The following ADGRB3 variants were observed in gnomAD, a reference collection of about 807,000 sequenced individuals.
ADGRB3 encodes the protein adhesion G protein-coupled receptor B3.
ADGRB3 carries 37 observed loss-of-function variants against 193.4 expected under a neutral mutation model. That is an observed-to-expected ratio of 0.19 (90% CI 0.15 to 0.25). The LOEUF (loss-of-function observed/expected upper bound fraction) is 0.25, where lower values mean the gene tolerates loss of function less well. Among genes scored for constraint, ADGRB3 ranks in the 10% least tolerant of loss-of-function variants. The pLI is 1.00. For synonymous variants in ADGRB3, 690 were observed against 644.2 expected (o/e 1.07, Z -1.08); for missense variants, 1,637 against 1,852.9 (o/e 0.88, Z 2.14).
chr6:69,120,355 T>C, intron 17 of ADGRB3, among the ~76,000 whole-genome samples: 1 of 152,240 alleles, frequency 6.6e-6, no homozygotes, highest in Non-Finnish European at 1.5e-5. Flanking sequence ...GGCCCAGAAA[T>C]CTGTGCTTTA....
At chr6:68,685,941 G>A (rs1423356398) in intron 3 of ADGRB3, among the ~76,000 whole-genome samples, 1 of 152,122 alleles carries the variant, frequency 6.6e-6, no homozygotes, top group Non-Finnish European at 1.5e-5. Flanking sequence ...TAAAGTGTAA[G>A]ACGCTTTTGT....
chr6:69,099,828 T>A (rs1355469600), intron 17 of ADGRB3, among the ~76,000 whole-genome samples: 1 of 152,238 alleles, frequency 6.6e-6, no homozygotes, highest in Non-Finnish European at 1.5e-5. Context: ...CACCCAGTAT[T>A]ATGTAACCTG....
At chr6:68,816,299 T>C (rs191085672) in intron 3 of ADGRB3, among the ~76,000 whole-genome samples, 22 of 152,026 alleles carry the variant, frequency 1.4e-4, no homozygotes, top group Non-Finnish European at 2.5e-4. Flanking sequence ...TTTATTATCA[T>C]GAAAATGATT....
intron 3 of ADGRB3, among the ~76,000 whole-genome samples, chr6:68,712,351 T>C (rs1182854685): frequency 6.6e-6 from 1 of 152,050 alleles, no homozygotes; most frequent in East Asian, 1.9e-4. Context: ...TAGCTACTAT[T>C]TCAAATTCAT....
chr6:68,974,678 G>A lies in ADGRB3; in HGVS notation c.1526-85G>A, dbSNP rs1768689869. The A allele has an allele frequency of 5.9e-6, 6 of 1,016,874 alleles. No individual in the cohort carries two copies. The Admixed American group carries it at 1.2e-4, about 20-fold the overall frequency. The allele number at this position is 1,016,874 out of a possible 1,614,324, so 63.0% of individuals were successfully genotyped here. The stretch of plus-strand genomic sequence containing the variant: ...AAAAAGAAAACTAAAGAGCTCTGCA[G>A]TTAGAGAGGTGCCTTTGACAATTGT... On this transcript the variant is annotated intron_variant, in intron 8 of 31. Transcript: ENST00000370598.
chr6:68,730,608 C>T (rs1765755638), intron 3 of ADGRB3, among the ~76,000 whole-genome samples: 1 of 151,566 alleles, frequency 6.6e-6, no homozygotes, highest in Non-Finnish European at 1.5e-5. Flanking sequence ...TCATTTTCCC[C>T]ATGTTACTTC....
chr6:68,957,529 A>G (rs1032472437), intron 8 of ADGRB3, among the ~76,000 whole-genome samples: 5 of 152,310 alleles, frequency 3.3e-5, no homozygotes, highest in African/African-American at 1.2e-4. Flanking sequence ...TTAAAATTTG[A>G]CAATATAGTG....
At chr6:69,374,184 C>G (rs764532174) in intron 30 of ADGRB3, among the ~76,000 whole-genome samples, 14 of 152,050 alleles carry the variant, frequency 9.2e-5, no homozygotes, top group Non-Finnish European at 2.1e-4. Flanking sequence ...ATTACTTTTA[C>G]TCTACAAATT....
intron 10 of ADGRB3, among the ~76,000 whole-genome samples, chr6:68,990,135 A>G (rs1218306242): frequency 5.3e-5 from 8 of 152,092 alleles, no homozygotes; most frequent in Middle Eastern, 3.2e-3. Context: ...ATCCAGAAAG[A>G]AAAAAGGGAA....
chr6:68,956,614 A>G, intron 7 of ADGRB3, 31 bp from the exon 8 acceptor site: 1 of 1,612,420 alleles, frequency 6.2e-7, no homozygotes, highest in Non-Finnish European at 8.5e-7. Context: ...GTGGTAGATG[A>G]CTGACATTGA....
At chr6:69,186,249 A>G (rs1261379078) in intron 17 of ADGRB3, among the ~76,000 whole-genome samples, 1 of 151,024 alleles carries the variant, frequency 6.6e-6, no homozygotes, top group Non-Finnish European at 1.5e-5. Context: ...TTTCTATGTT[A>G]TCTTTGTCCT....
chr6:68,753,000 A>G (rs148646911), intron 3 of ADGRB3, among the ~76,000 whole-genome samples: 184 of 152,310 alleles, frequency 1.2e-3, no homozygotes, highest in Middle Eastern at 0.01. Context: ...CATTTGAGGT[A>G]GGGTACATGA....
chr6:69,222,085 C>G (rs1486779668), intron 17 of ADGRB3, among the ~76,000 whole-genome samples: 2 of 151,954 alleles, frequency 1.3e-5, no homozygotes, highest in East Asian at 3.9e-4. Context: ...TTGAGTCTTC[C>G]AAATCTGGGC....
intron 3 of ADGRB3, among the ~76,000 whole-genome samples, chr6:68,871,453 C>T (rs1765452933): frequency 6.6e-6 from 1 of 151,854 alleles, no homozygotes; most frequent in African/African-American, 2.4e-5. Flanking sequence ...TAAAGATTCC[C>T]TTTTTCTGAT....
chr6:68,840,599 A>G (rs1768137153), intron 3 of ADGRB3, among the ~76,000 whole-genome samples: 2 of 151,696 alleles, frequency 1.3e-5, no homozygotes, highest in South Asian at 4.2e-4. Context: ...TGGAAATGGG[A>G]GGGAAAGACC....
intron 10 of ADGRB3, among the ~76,000 whole-genome samples, chr6:68,980,637 C>T (rs1431631675): frequency 6.6e-6 from 1 of 151,508 alleles, no homozygotes; most frequent in Non-Finnish European, 1.5e-5. Flanking sequence ...AAAAAGTATG[C>T]CTGTCTTATT....
chr6:68,840,633 C>T (rs1286669197), intron 3 of ADGRB3, among the ~76,000 whole-genome samples: 1 of 151,750 alleles, frequency 6.6e-6, no homozygotes, highest in Non-Finnish European at 1.5e-5. Flanking sequence ...TGGGTGTCAG[C>T]TCAGCTGCAG....
At chr6:69,119,001 C>A (rs1212034547) in intron 17 of ADGRB3, among the ~76,000 whole-genome samples, 4 of 151,996 alleles carry the variant, frequency 2.6e-5, no homozygotes, top group African/African-American at 9.7e-5. Context: ...TTATTTCACT[C>A]AAAAAGAATT....
intron 20 of ADGRB3, among the ~76,000 whole-genome samples, chr6:69,299,193 G>A (rs1000356278): frequency 6.6e-6 from 1 of 151,762 alleles, no homozygotes; most frequent in African/African-American, 2.4e-5. Flanking sequence ...TTTGAGAAAT[G>A]TCTATTCACA....
Sources: gnomAD v4.1 joint callset for allele counts (sites outside exome capture counted in the v4.1 genomes callset) on GRCh38, gnomAD v4.1.1 for gene constraint, MANE v1.5 for transcripts, NCBI Gene and HGNC (gene_info 2026-07-23, HGNC 2026-07-21) for gene names.